The following LATS1 variants were observed in gnomAD, a reference collection of about 807,000 sequenced individuals.
The protein encoded by LATS1 is large tumor suppressor kinase 1, also known as serine/threonine-protein kinase LATS1.
Under a neutral mutation model 106.6 loss-of-function variants are expected in LATS1, and 25 were observed. The ratio of observed to expected loss-of-function variants is 0.23; its 90% CI spans 0.17 to 0.33. The LOEUF is 0.33. LATS1 is among the 10% of genes least tolerant of loss of function. The probability of loss-of-function intolerance (pLI) is 1.00; values close to 1 mark genes in which losing one functional copy is unlikely to be tolerated. For missense variants in LATS1, 1,040 were observed against 1,382.6 expected, an observed-to-expected ratio of 0.75 and a Z score of 3.93; for synonymous variants, 465 against 455.6, an observed-to-expected ratio of 1.02 and a Z score of -0.26.
Position 149,660,866 on chromosome 6 carries a change from G to A in LATS1, c.*863C>T, listed in dbSNP as rs148473889. On this transcript the variant is annotated 3_prime_UTR_variant, in exon 8 of 8. Transcript: ENST00000543571. ...TAACATTGATGATATAATCAAAATA[G>A]TTACTATACAGGAAAAGTATATGAA... The A allele has an allele frequency of 5.3e-3, 1,108 of 210,992 alleles. 5 individuals carry two copies. Among genetic ancestry groups the A allele is most frequent in the Non-Finnish European group, 6.9e-3 (721 of 103,908 alleles). 13.1% of individuals were successfully genotyped at this position (210,992 alleles called of 1,614,324 possible). A position where few individuals can be genotyped will look rare whatever the true frequency, so the allele number is the denominator to read the frequency against.
At chr6:149,715,077 CTTTA>C (rs897793598) in intron 1 of LATS1, among the ~76,000 whole-genome samples, 2 of 151,598 alleles carry the variant, frequency 1.3e-5, no homozygotes, top group Admixed American at 6.6e-5. Context: ...TTCTTTATTT[CTTTA>C]TTTATTTTTG....
chr6:149,683,093 T>C lies in LATS1; in HGVS notation c.1996A>G (p.Asn666Asp). ...AAAGGTTTTACCCGCATCATTTCATTCTCTAATTGTTTTTTACGATGTAGA... is the reference window on the plus strand; with the variant it reads ...AAAGGTTTTACCCGCATCATTTCATCCTCTAATTGTTTTTTACGATGTAGA... ...QRLHRKKQLE[N>D]EMMRVGLSQD... Residue 666 changes from asparagine to aspartate, a missense_variant, in exon 4 of 8, where the codon AAT (asparagine) becomes GAT (aspartate). Around this residue, in one of 7 missense-constraint regions of LATS1, gnomAD observed 167 missense variants for 332.1 expected, o/e 0.50. Coordinates refer to ENST00000543571, the MANE Select transcript of LATS1 (RefSeq NM_004690.4). 6.2e-7 allele frequency: 1 copy of C among 1,611,202 alleles called. No homozygotes were observed. Among genetic ancestry groups the C allele is most frequent in the Non-Finnish European group, 8.5e-7 (1 of 1,178,804 alleles).
chr6:149,699,690 T>C (rs2114941293), intron 2 of LATS1, among the ~76,000 whole-genome samples: 1 of 152,334 alleles, frequency 6.6e-6, no homozygotes, highest in East Asian at 1.9e-4. Flanking sequence ...TTACCAATAA[T>C]GAATAGAGCA....
intron 1 of LATS1, among the ~76,000 whole-genome samples, chr6:149,714,174 G>A (rs77589313): frequency 0.012 from 1,782 of 152,034 alleles, 35 homozygotes; most frequent in African/African-American, 0.041. Context: ...GGTTTGCCAC[G>A]TTGGCCAGGT....
At chr6:149,687,376 C>T (rs1782448832) in intron 3 of LATS1, among the ~76,000 whole-genome samples, 1 of 152,086 alleles carries the variant, frequency 6.6e-6, no homozygotes, top group South Asian at 2.1e-4. Flanking sequence ...CAGGCATGAG[C>T]TACCGCATCC....
Position 149,684,009 on chromosome 6 carries a change from T to C in LATS1, c.1080A>G (p.Gln360=), listed in dbSNP as rs1467732474. 1.4e-5 allele frequency: 22 copies of C among 1,613,812 alleles called. No homozygotes were observed. The highest frequency in any genetic ancestry group is 2.7e-5 in the African/African-American group (2 of 74,842). The change falls in exon 4 of 8, where the codon CAA becomes CAG. Residue 360 remains glutamine (Q), a synonymous_variant. Transcript: ENST00000543571. The part of the protein sequence containing the change: ...GTGQTDFMIH[Q]NVVPAGTVNR... ...TCACAGTGCCAGCAGGGACAACATT[T>C]TGGTGTATCATGAAATCAGTTTGTC...
rs1256055720 is a variant in LATS1, at chr6:149,658,820, C to T, written c.*2909G>A. The T allele has an allele frequency of 2.0e-5, 3 of 152,144 alleles. No homozygotes were observed. Among genetic ancestry groups the T allele is most frequent in the Non-Finnish European group, 4.4e-5 (3 of 68,018 alleles). The allele number at this position is 152,144 out of a possible 1,614,324, so 9.4% of individuals were successfully genotyped here. On this transcript the variant is annotated 3_prime_UTR_variant, in exon 8 of 8. Coordinates refer to ENST00000543571, the MANE Select transcript of LATS1 (RefSeq NM_004690.4). ...TATGATGTCACTGGACAATGCATAA[C>T]AGTATCTACAATTACATAATTATAG... is the stretch of plus-strand genomic sequence containing the variant.
intron 2 of LATS1, among the ~76,000 whole-genome samples, chr6:149,697,862 A>G (rs2114928374): frequency 6.6e-6 from 1 of 152,146 alleles, no homozygotes; most frequent in South Asian, 2.1e-4. Flanking sequence ...CAGCCTCCAG[A>G]GAAGCTGGCA....
chr6:149,714,100 T>G (rs778451411), intron 1 of LATS1, among the ~76,000 whole-genome samples: 1 of 151,200 alleles, frequency 6.6e-6, no homozygotes, highest in East Asian at 1.9e-4. Flanking sequence ...GCCTCCGGAG[T>G]AGCTGGGACT....
intron 7 of LATS1, among the ~76,000 whole-genome samples, chr6:149,666,758 C>T (rs1056731374): frequency 3.7e-4 from 56 of 151,604 alleles, no homozygotes; most frequent in African/African-American, 1.2e-3. Flanking sequence ...CTGGCTAACA[C>T]GGTGAAACCC....
chr6:149,699,384 T>C (rs950240102), intron 2 of LATS1, among the ~76,000 whole-genome samples: 9 of 152,274 alleles, frequency 5.9e-5, no homozygotes, highest in African/African-American at 2.2e-4. Flanking sequence ...CTGGCCGCTG[T>C]GCAATCCTCC....
intron 7 of LATS1, among the ~76,000 whole-genome samples, chr6:149,668,369 C>T (rs1157118081): frequency 6.6e-6 from 1 of 151,778 alleles, no homozygotes; most frequent in East Asian, 1.9e-4. Flanking sequence ...AATCTTGAAA[C>T]ACCAGGAAAG....
chr6:149,689,066 G>A (rs1782569412), intron 3 of LATS1, among the ~76,000 whole-genome samples: 1 of 152,088 alleles, frequency 6.6e-6, no homozygotes, highest in Non-Finnish European at 1.5e-5. Context: ...TACCTGGGAG[G>A]CTGAGGCAGA....
rs975830042 is a variant in LATS1 at position 149,702,007 on chromosome 6, A to G, written c.120T>C (p.Asn40=). ...MLQEIRESLR[N]LSKPSDAAKA... is the part of the protein sequence containing the mutation. The stretch of plus-strand genomic sequence containing the variant: ...TAGCAGCATCAGATGGTTTAGATAA[A>G]TTCCTAAGGGATTCCCGAATTTCTT... The change falls in exon 2 of 8, where the codon AAT becomes AAC. Residue 40 remains asparagine, a synonymous_variant. Coordinates refer to ENST00000543571, the MANE Select transcript of LATS1 (RefSeq NM_004690.4). The G allele has an allele frequency of 6.2e-7, 1 of 1,614,152 alleles. No individual in the cohort carries two copies. The highest frequency in any genetic ancestry group is 2.2e-5 in the East Asian group (1 of 44,876).
chr6:149,695,443 GT>G (rs538207197), intron 2 of LATS1, among the ~76,000 whole-genome samples: 2 of 152,276 alleles, frequency 1.3e-5, no homozygotes, highest in East Asian at 3.9e-4. Context: ...GGAGGCCGAG[GT>G]GGTCAGATCA....
chr6:149,683,384 A>G lies in LATS1; in HGVS notation c.1705T>C (p.Ser569Pro), dbSNP rs760155557. Residue 569 changes from serine to proline, a missense_variant, in exon 4 of 8, where the codon TCT becomes CCT. Ser to Pro is a moderately conservative substitution (Grantham distance 74). Coordinates refer to ENST00000543571, the MANE Select transcript of LATS1 (RefSeq NM_004690.4). ...CTGATTGACTCGTATGGAGGAACAGATGGGTTTTGGTGCAGCAGATGTTTT... is the reference window on the plus strand; with the variant it reads ...CTGATTGACTCGTATGGAGGAACAGGTGGGTTTTGGTGCAGCAGATGTTTT... The part of the protein sequence containing the change: ...YPKHLLHQNP[S>P]VPPYESISKP... 3 of 1,613,984 alleles carry G rather than the reference A, an allele frequency of 1.9e-6. No homozygotes were observed. In the African/African-American group the frequency reaches 4.0e-5, roughly 22 times the overall value.
intron 1 of LATS1, among the ~76,000 whole-genome samples, chr6:149,715,346 C>T (rs1231324771): frequency 1.3e-5 from 2 of 152,146 alleles, no homozygotes; most frequent in East Asian, 1.9e-4. Context: ...TGGTTACAGG[C>T]GTGAGCCACT....
rs1280923072 is a variant in LATS1, at chr6:149,705,601, AAAAAAAAG to A, written c.-140-3343_-140-3336del. On this transcript the variant is annotated intron_variant, in intron 1 of 7. Transcript: ENST00000543571. ...CATTCTGACAGAGAGAGAGAGAGAA[AAAAAAAAG>A]AAAAAAAGAAAAGAAACATAGTTTT... Among the ~76,000 whole-genome samples, 7 of 152,012 alleles carry A rather than the reference AAAAAAAAG, an allele frequency of 4.6e-5. No homozygotes were observed. In the East Asian group the frequency reaches 1.3e-3, roughly 29 times the overall value.
At chr6:149,699,580 T>C (rs1363529335) in intron 2 of LATS1, among the ~76,000 whole-genome samples, 1 of 152,186 alleles carries the variant, frequency 6.6e-6, no homozygotes, top group African/African-American at 2.4e-5. Context: ...TGTGACAATT[T>C]GAAATGTGTA....
Sources: allele counts gnomAD v4.1 joint callset (sites outside exome capture counted in the v4.1 genomes callset), GRCh38; gene constraint gnomAD v4.1.1; regional missense constraint gnomAD v4.1.1; transcripts MANE v1.5; gene names NCBI Gene and HGNC (gene_info 2026-07-23, HGNC 2026-07-21).